Variants in CDC42SE2 observed in about 807,000 individuals in gnomAD.
CDC42SE2 encodes the protein CDC42 small effector 2, also known as CDC42 small effector protein 2.
In CDC42SE2, 3 loss-of-function variants were observed where a neutral mutation model predicts 11.5. That is an observed-to-expected ratio of 0.26 (90% CI 0.12 to 0.67). The LOEUF (loss-of-function observed/expected upper bound fraction) is 0.67. Among genes scored for constraint, CDC42SE2 ranks in the 30% least tolerant of loss-of-function variants. The pLI is 0.80. For missense variants in CDC42SE2, 82 were observed against 106.8 expected (o/e 0.77, Z 1.02); for synonymous variants, 33 against 34.8 (o/e 0.95, Z 0.18).
At position 131,335,870 on chromosome 5, in the gene CDC42SE2, A is replaced by G. The variant is rs1042856194; in HGVS notation, c.-286+19726A>G. On this transcript the variant is annotated intron_variant, in intron 2 of 4. Coordinates refer to ENST00000505065, the MANE Select transcript of CDC42SE2 (RefSeq NM_001375635.1). Reference sequence around the variant, plus strand: ...TTTGAGCCTGTGTGTTTCTCTGCACATGAGATGGGTCTCCTGAATACAGCA... The same window carrying G: ...TTTGAGCCTGTGTGTTTCTCTGCACGTGAGATGGGTCTCCTGAATACAGCA... Among the ~76,000 whole-genome samples, 3 of 152,156 alleles carry G rather than the reference A, an allele frequency of 2.0e-5. No homozygotes were observed. The East Asian group carries it at 5.8e-4, about 29-fold the overall frequency.
chr5:131,268,770 T>TG (rs1280262879), intron 1 of CDC42SE2, among the ~76,000 whole-genome samples: 12 of 147,704 alleles, frequency 8.1e-5, no homozygotes, highest in Non-Finnish European at 1.6e-4. Context: ...TTTTTTTTTT[T>TG]TTTTTGAGAC....
chr5:131,342,797 C>A (rs1340698852), intron 2 of CDC42SE2, among the ~76,000 whole-genome samples: 1 of 152,026 alleles, frequency 6.6e-6, no homozygotes, highest in Non-Finnish European at 1.5e-5. Flanking sequence ...ACTGCAACCT[C>A]CGCCTACTGG....
At chr5:131,352,370 A>C (rs901424356) in intron 2 of CDC42SE2, among the ~76,000 whole-genome samples, 1 of 152,200 alleles carries the variant, frequency 6.6e-6, no homozygotes, top group African/African-American at 2.4e-5. Context: ...ATAAAAAATA[A>C]TTTACTAATA....
chr5:131,383,489 A>T (rs1162252352), intron 3 of CDC42SE2, among the ~76,000 whole-genome samples: 2 of 152,216 alleles, frequency 1.3e-5, no homozygotes, highest in Non-Finnish European at 2.9e-5. Flanking sequence ...TTATAGACTT[A>T]TAATTTATAT....
At chr5:131,390,953 G>T in intron 4 of CDC42SE2, 40 bp from the exon 5 acceptor site, 1 of 1,401,636 alleles carries the variant, frequency 7.1e-7, no homozygotes, top group South Asian at 1.2e-5. Flanking sequence ...CCTACTTCCT[G>T]ACTTCCATTT....
intron 1 of CDC42SE2, among the ~76,000 whole-genome samples, chr5:131,290,543 C>T (rs1328546687): frequency 1.5e-4 from 20 of 133,030 alleles, no homozygotes; most frequent in East Asian, 8.7e-4. Flanking sequence ...AGTGCAGTGG[C>T]GCGGGGTCAA....
intron 1 of CDC42SE2, among the ~76,000 whole-genome samples, chr5:131,273,452 A>C (rs1211816445): frequency 6.7e-6 from 1 of 148,504 alleles, no homozygotes; most frequent in African/African-American, 2.4e-5. Context: ...CACTGCGCCC[A>C]GCCTTATTTT....
intron 1 of CDC42SE2, among the ~76,000 whole-genome samples, chr5:131,273,083 A>G (rs1415078897): frequency 2.0e-5 from 3 of 151,546 alleles, no homozygotes; most frequent in Admixed American, 6.6e-5. Flanking sequence ...ATTTATATTT[A>G]GTTTTAGTCC....
chr5:131,321,806 T>G (rs756604287), intron 2 of CDC42SE2, among the ~76,000 whole-genome samples: 1 of 152,112 alleles, frequency 6.6e-6, no homozygotes, highest in Non-Finnish European at 1.5e-5. Context: ...TGTTAGAATC[T>G]CCAAGGGTGA....
chr5:131,381,837 A>G (rs2149786783), intron 3 of CDC42SE2, among the ~76,000 whole-genome samples: 1 of 152,214 alleles, frequency 6.6e-6, no homozygotes, highest in African/African-American at 2.4e-5. Flanking sequence ...ATTATTTCCC[A>G]TTGTTCTTGG....
intron 1 of CDC42SE2, among the ~76,000 whole-genome samples, chr5:131,251,486 G>T (rs1218576062): frequency 6.6e-6 from 1 of 152,038 alleles, no homozygotes; most frequent in Non-Finnish European, 1.5e-5. Flanking sequence ...TCTTCTAACA[G>T]GTTCTTATAT....
intron 1 of CDC42SE2, among the ~76,000 whole-genome samples, chr5:131,252,289 T>C (rs916753498): frequency 2.0e-5 from 3 of 152,234 alleles, no homozygotes; most frequent in African/African-American, 7.2e-5. Flanking sequence ...AAGCAACATC[T>C]ACTCTTAAAG....
intron 2 of CDC42SE2, among the ~76,000 whole-genome samples, chr5:131,320,667 G>A (rs546728618): frequency 2.5e-4 from 38 of 151,878 alleles, no homozygotes; most frequent in African/African-American, 8.0e-4. Flanking sequence ...ACTTGAACCC[G>A]GAGGCGGAGG....
intron 1 of CDC42SE2, among the ~76,000 whole-genome samples, chr5:131,269,653 A>C (rs565795228): frequency 2.0e-5 from 3 of 151,832 alleles, no homozygotes; most frequent in African/African-American, 7.3e-5. Flanking sequence ...AATCCCAGCT[A>C]CTTGGGAGGC....
chr5:131,321,261 A>G (rs929988494), intron 2 of CDC42SE2, among the ~76,000 whole-genome samples: 7 of 152,190 alleles, frequency 4.6e-5, no homozygotes, highest in African/African-American at 1.7e-4. Context: ...GCAGTACTGT[A>G]ATAGTGAAGT....
intron 1 of CDC42SE2, among the ~76,000 whole-genome samples, chr5:131,290,836 G>A (rs868251034): frequency 6.6e-6 from 1 of 151,876 alleles, no homozygotes; most frequent in Admixed American, 6.6e-5. Context: ...ACAGGCCAGC[G>A]AACATAGTAA....
intron 3 of CDC42SE2, among the ~76,000 whole-genome samples, chr5:131,374,026 A>C (rs767721182): frequency 1.6e-4 from 24 of 152,238 alleles, no homozygotes; most frequent in Non-Finnish European, 2.5e-4. Context: ...GACAAAAGGC[A>C]TTGGAGGATA....
At chr5:131,370,060 A>G (rs547778066) in intron 3 of CDC42SE2, among the ~76,000 whole-genome samples, 1 of 152,312 alleles carries the variant, frequency 6.6e-6, no homozygotes, top group African/African-American at 2.4e-5. Flanking sequence ...TTTAAAAGAG[A>G]TGAAAAATAA....
At chr5:131,390,460 G>T (rs958479998) in intron 4 of CDC42SE2, among the ~76,000 whole-genome samples, 3 of 152,052 alleles carry the variant, frequency 2.0e-5, no homozygotes, top group African/African-American at 7.2e-5. Context: ...CGAAGCAGTC[G>T]GATCACTTGA....
Sources: gnomAD v4.1 joint callset for allele counts (sites outside exome capture counted in the v4.1 genomes callset) on GRCh38, gnomAD v4.1.1 for gene constraint, MANE v1.5 for transcripts, NCBI Gene and HGNC (gene_info 2026-07-23, HGNC 2026-07-21) for gene names.